The following WDR12 variants were observed in gnomAD, a reference collection of about 807,000 sequenced individuals.
WDR12 encodes ribosome biogenesis protein WDR12.
Under a neutral mutation model 64.3 loss-of-function variants are expected in WDR12, and 42 were observed. The ratio of observed to expected loss-of-function variants is 0.65; its 90% confidence interval spans 0.51 to 0.84. The LOEUF (loss-of-function observed/expected upper bound fraction) is 0.84. Ranked by LOEUF, WDR12 falls within the 40% of genes least tolerant of loss-of-function variation. WDR12 has a pLI of 0.00. For missense variants in WDR12, 469 were observed against 494.6 expected (o/e 0.95, Z 0.49); for synonymous variants, 158 against 173.3 (o/e 0.91, Z 0.70).
At chr2:202,902,131 G>A (rs114316237) in intron 2 of WDR12, among the ~76,000 whole-genome samples, 2,382 of 152,130 alleles carry the variant, frequency 0.016, 28 homozygotes, top group Non-Finnish European at 0.026. Context: ...AATAATGTTC[G>A]GTCTATATGT....
chr2:202,897,321 C>CT lies in WDR12; in HGVS notation c.432dup (p.Asp145ArgfsTer9). 1 of 1,600,008 alleles carries CT rather than the reference C, an allele frequency of 6.2e-7. No individual in the cohort carries two copies. The highest frequency in any genetic ancestry group is 8.5e-7 in the Non-Finnish European group (1 of 1,174,628). ...TAACCTTTTTTCACCCAGGCCACAT[C>CT]TTTTACAACATCCGTATGTCCCACA... On this transcript the variant is annotated frameshift_variant, in exon 5 of 13. Transcript: ENST00000261015. LOFTEE classifies it high-confidence loss of function.
chr2:202,903,214 A>G (rs1688382071), intron 2 of WDR12, among the ~76,000 whole-genome samples: 2 of 152,212 alleles, frequency 1.3e-5, no homozygotes, highest in Admixed American at 6.5e-5. Context: ...ATTTCAATTG[A>G]TGCTGAAAAA....
chr2:202,908,922 T>C (rs879926754), intron 1 of WDR12, among the ~76,000 whole-genome samples: 2 of 152,188 alleles, frequency 1.3e-5, no homozygotes, highest in African/African-American at 4.8e-5. Flanking sequence ...AATTTTAAAA[T>C]GGCCCAATAG....
intron 3 of WDR12, 55 bp downstream of exon 3, chr2:202,900,970 T>C: frequency 6.9e-7 from 1 of 1,455,492 alleles, no homozygotes; most frequent in Non-Finnish European, 9.5e-7. Flanking sequence ...GGAGTTTACC[T>C]ACAATAGCCG....
intron 8 of WDR12, among the ~76,000 whole-genome samples, chr2:202,887,866 A>G (rs972376841): frequency 6.8e-4 from 98 of 144,342 alleles, no homozygotes; most frequent in African/African-American, 2.4e-3. Context: ...CCGCAGTCCG[A>G]CCTGGGCGAC....
At chr2:202,902,196 C>G (rs1688361476) in intron 2 of WDR12, among the ~76,000 whole-genome samples, 1 of 152,282 alleles carries the variant, frequency 6.6e-6, no homozygotes, top group African/African-American at 2.4e-5. Flanking sequence ...CAAAGCTTCT[C>G]TTACAGGAAT....
In WDR12 at chr2:202,882,749, C is replaced by T. The variant is rs1687977679; in HGVS notation, c.1156G>A (p.Glu386Lys). 6.2e-7 allele frequency: 1 copy of T among 1,614,100 alleles called. No homozygotes were observed. The highest frequency in any genetic ancestry group is 1.7e-5 in the Admixed American group (1 of 60,030). Residue 386 changes from glutamate to lysine, a missense_variant, in exon 12 of 13, where the codon GAA becomes AAA. Glu to Lys is a moderately conservative substitution (Grantham distance 56, BLOSUM62 1). Coordinates refer to ENST00000261015, the MANE Select transcript of WDR12 (RefSeq NM_018256.4). ...CAGTCTACACTCAGAACTTTGTCTT[C>T]ATGAGCAGCCAGATCATAGAGAGGA... Reference protein sequence around the residue: ...KAPLYDLAAHEDKVLSVDWTD... With the variant: ...KAPLYDLAAHKDKVLSVDWTD...
Position 202,892,736 on chromosome 2 carries a change from A to G in WDR12, c.656-34T>C, listed in dbSNP as rs765251782. 14 of 1,495,586 alleles carry G rather than the reference A, an allele frequency of 9.4e-6. No individual in the cohort carries two copies. In the South Asian group the frequency reaches 1.4e-4, roughly 15 times the overall value. 92.6% of individuals were successfully genotyped at this position (1,495,586 alleles called of 1,614,324 possible). A position where few individuals can be genotyped will look rare whatever the true frequency, so the allele number is the denominator to read the frequency against. ...TAGAGAATTAGATTTGACATTTTAA[A>G]AACAGTATTAATCGTGAACTGTCTG... On this transcript the variant is annotated intron_variant, in intron 7 of 12. Transcript: ENST00000261015.
At chr2:202,895,385 T>G (rs1296603083) in intron 6 of WDR12, among the ~76,000 whole-genome samples, 2 of 152,234 alleles carry the variant, frequency 1.3e-5, no homozygotes. Flanking sequence ...TGTATGCTAA[T>G]GCTCAGACTA....
chr2:202,882,642 T>G, intron 12 of WDR12, 69 bp downstream of exon 12: 1 of 1,538,126 alleles, frequency 6.5e-7, no homozygotes, highest in Non-Finnish European at 9.0e-7. Flanking sequence ...ACTAATACAT[T>G]TTATAAACAC....
chr2:202,888,313 T>A (rs949370910), intron 8 of WDR12, among the ~76,000 whole-genome samples: 1 of 152,160 alleles, frequency 6.6e-6, no homozygotes, highest in Non-Finnish European at 1.5e-5. Flanking sequence ...GGGAGGAAAG[T>A]TGACAAGAAG....
Position 202,892,650 on chromosome 2 carries a change from C to T in WDR12, c.708G>A (p.Lys236=), listed in dbSNP as rs1001319710. The change falls in exon 8 of 13, where the codon AAG becomes AAA. Residue 236 remains lysine, a synonymous_variant. Transcript: ENST00000261015. ...EMEESTNRPR[K]KQKTEQLGLT... is the part of the protein sequence containing the mutation. ...GTCCCAACTGTTCTGTCTTCTGTTT[C>T]TTTCTTGGTCGATTTGTGGACTCCT... The T allele has an allele frequency of 6.2e-7, 1 of 1,613,300 alleles. No homozygotes were observed. Among genetic ancestry groups the T allele is most frequent in the Non-Finnish European group, 8.5e-7 (1 of 1,179,524 alleles).
intron 4 of WDR12, 21 bp from the exon 5 acceptor site, chr2:202,897,436 A>T: frequency 7.0e-7 from 1 of 1,429,794 alleles, no homozygotes; most frequent in Non-Finnish European, 9.4e-7. Context: ...AAAAAATCTT[A>T]TGAAACACAA....
Position 202,884,189 on chromosome 2 carries a change from A to G in WDR12, c.988+9T>C. 1.2e-6 allele frequency: 2 copies of G among 1,610,132 alleles called. No individual in the cohort carries two copies. The highest frequency in any genetic ancestry group is 1.3e-5 in the African/African-American group (1 of 74,948). On this transcript the variant is annotated intron_variant, in intron 10 of 12. Coordinates refer to ENST00000261015, the MANE Select transcript of WDR12 (RefSeq NM_018256.4). ...CACATATATTCCCCCAGTGGTTTAC[A>G]TGACTCACCTTTAGTTCGGGGATCC...
chr2:202,882,702 A>C lies in WDR12; in HGVS notation c.1194+9T>G. On this transcript the variant is annotated intron_variant, in intron 12 of 12. Coordinates refer to ENST00000261015, the MANE Select transcript of WDR12 (RefSeq NM_018256.4). ...TTTCCTCTTCATCAAATAACTAATA[A>C]ATTCTTACCCCTGTGTCTGTCCAGT... The C allele has an allele frequency of 6.2e-7, 1 of 1,611,948 alleles. No homozygotes were observed. The highest frequency in any genetic ancestry group is 8.5e-7 in the Non-Finnish European group (1 of 1,178,338).
intron 12 of WDR12, 102 bp from the exon 13 acceptor site, chr2:202,881,039 G>T (rs937531063): frequency 1.8e-5 from 19 of 1,034,464 alleles, no homozygotes; most frequent in African/African-American, 3.3e-5. Flanking sequence ...ATTACAAAAG[G>T]AATTATGGGT....
intron 2 of WDR12, among the ~76,000 whole-genome samples, chr2:202,903,446 TGGAAGGAAGGAAGGAA>T (rs150739013): frequency 0.095 from 9,266 of 97,110 alleles, 534 homozygotes; most frequent in Non-Finnish European, 0.12. Context: ...AGCAATCAGA[TGGAAGGAAGGAAGGAA>T]GGAAGGAAGG....
In WDR12 at chr2:202,883,890, G is replaced by A. The variant is rs1304060466; in HGVS notation, c.989-149C>T. 3 of 781,758 alleles carry A rather than the reference G, an allele frequency of 3.8e-6. No homozygotes were observed. The East Asian group carries it at 8.2e-5, about 21-fold the overall frequency. The allele number at this position is 781,758 out of a possible 1,614,324, so 48.4% of individuals were successfully genotyped here. A position where few individuals can be genotyped will look rare whatever the true frequency, so the allele number is the denominator to read the frequency against. On this transcript the variant is annotated intron_variant, in intron 10 of 12. Coordinates refer to ENST00000261015, the MANE Select transcript of WDR12 (RefSeq NM_018256.4). ...TGCAGTAGTGCAATCTTGGCTCACT[G>A]CAACCTCTGCCTCTGGGATTCAAGT...
chr2:202,897,908 A>AAAATATATAT (rs1466552102), intron 4 of WDR12, among the ~76,000 whole-genome samples: 27 of 40,050 alleles, frequency 6.7e-4, no homozygotes, highest in South Asian at 3.2e-3. Flanking sequence ...AAAAAAAAAA[A>AAAATATATAT]ATATATATAT....
Sources: gnomAD v4.1 joint callset for allele counts (sites outside exome capture counted in the v4.1 genomes callset) on GRCh38, gnomAD v4.1.1 for gene constraint, MANE v1.5 for transcripts, NCBI Gene and HGNC (gene_info 2026-07-23, HGNC 2026-07-21) for gene names.